The following OMA1 variants were observed in gnomAD, a reference collection of about 807,000 sequenced individuals.
The protein encoded by OMA1 is metalloendopeptidase OMA1, mitochondrial.
A neutral mutation model predicts 30.9 loss-of-function variants in OMA1; 38 were observed. That is an observed-to-expected ratio of 1.23 (90% CI 0.95 to 1.61). OMA1 has a LOEUF of 1.61. Ranked by LOEUF, OMA1 falls within the 40% of genes most tolerant of loss-of-function variation. The probability of loss-of-function intolerance (pLI) is 0.00; values close to 1 mark genes in which losing one functional copy is unlikely to be tolerated. For missense variants in OMA1, 461 were observed against 349.2 expected, an observed-to-expected ratio of 1.32 and a Z score of -2.55; for synonymous variants, 173 against 121.9, an observed-to-expected ratio of 1.42 and a Z score of -2.76.
Position 58,538,858 on chromosome 1 carries a change from G to T in OMA1, c.437C>A (p.Pro146Gln), listed in dbSNP as rs139772831. The part of the protein sequence containing the change: ...FHTSPRFQAA[P>Q]VPLLLMILKP... Reference sequence around the variant, plus strand: ...AAGAATCATCAACAAGAGAGGAACCGGAGCAGCTTGAAACCGTGGAGAAGT... The same window carrying T: ...AAGAATCATCAACAAGAGAGGAACCTGAGCAGCTTGAAACCGTGGAGAAGT... The change falls in exon 2 of 9, where the codon CCG (proline) becomes CAG (glutamine). Residue 146 changes from proline (P) to glutamine (Q), a missense_variant. Physicochemically the swap from Pro to Gln is moderately conservative, Grantham distance 76. Coordinates refer to ENST00000371226, the MANE Select transcript of OMA1 (RefSeq NM_145243.5). 1 of 871,416 alleles carries T rather than the reference G, an allele frequency of 1.1e-6. No individual in the cohort carries two copies. The highest frequency in any genetic ancestry group is 1.6e-5 in the African/African-American group (1 of 61,222). The allele number at this position is 871,416 out of a possible 1,614,324, so 54.0% of individuals were successfully genotyped here.
intron 7 of OMA1, among the ~76,000 whole-genome samples, chr1:58,525,854 C>T (rs1569951765): frequency 6.6e-6 from 1 of 151,974 alleles, no homozygotes; most frequent in South Asian, 2.1e-4. Context: ...CTGGCTGAAA[C>T]ATAAACAAGC....
intron 1 of OMA1, among the ~76,000 whole-genome samples, chr1:58,540,083 G>A (rs901544340): frequency 1.3e-5 from 2 of 152,122 alleles, no homozygotes; most frequent in African/African-American, 4.8e-5. Flanking sequence ...CTCACACAGG[G>A]CATGGTATAC....
In OMA1 at chr1:58,506,206, A is replaced by AATTTACTAATTT. The variant is rs1341587829; in HGVS notation, c.1218_1219insAAATTAGTAAAT (p.Ala406_Cys407insLysLeuValAsn). 1 of 866,750 alleles carries AATTTACTAATTT rather than the reference A, an allele frequency of 1.2e-6. No individual in the cohort carries two copies. The highest frequency in any genetic ancestry group is 1.7e-5 in the Admixed American group (1 of 59,086). The allele number at this position is 866,750 out of a possible 1,614,324, so 53.7% of individuals were successfully genotyped here. A position where few individuals can be genotyped will look rare whatever the true frequency, so the allele number is the denominator to read the frequency against. ...ACTGAACTGGCTCTTATGTCTGCAC[A>AATTTACTAATTT]AGCCTAAAACCAAAATTAGTAAAAC... On this transcript the variant is annotated inframe_insertion, in exon 8 of 9. Transcript: ENST00000371226.
At chr1:58,526,991 T>C (rs1238114059) in intron 7 of OMA1, among the ~76,000 whole-genome samples, 2 of 152,168 alleles carry the variant, frequency 1.3e-5, no homozygotes, top group African/African-American at 4.8e-5. Flanking sequence ...GAACTGACTT[T>C]CTTTTAATAG....
chr1:58,521,868 C>G (rs1264204315), intron 7 of OMA1, among the ~76,000 whole-genome samples: 1 of 152,134 alleles, frequency 6.6e-6, no homozygotes, highest in Non-Finnish European at 1.5e-5. Context: ...AAAAACTCTT[C>G]TGGAGAAGAG....
At chr1:58,510,082 T>A (rs1341621634) in intron 7 of OMA1, among the ~76,000 whole-genome samples, 1 of 152,060 alleles carries the variant, frequency 6.6e-6, no homozygotes, top group Non-Finnish European at 1.5e-5. Flanking sequence ...TGTCAATGAC[T>A]CTCAAAGTCT....
intron 8 of OMA1, among the ~76,000 whole-genome samples, chr1:58,490,801 T>A (rs1301446746): frequency 8.6e-6 from 1 of 115,794 alleles, no homozygotes; most frequent in African/African-American, 3.5e-5. Context: ...CATTCTTTTT[T>A]TTTTTTTTTT....
rs531576904 is a variant in OMA1, at chr1:58,483,652, A to G, written c.1366-2478T>C. Among the ~76,000 whole-genome samples the G allele has an allele frequency of 7.0e-4, 107 of 152,212 alleles. 1 individual carries two copies. The highest frequency in any genetic ancestry group is 1.1e-3 in the Non-Finnish European group (73 of 68,034). On this transcript the variant is annotated intron_variant, in intron 8 of 8. Coordinates refer to ENST00000371226, the MANE Select transcript of OMA1 (RefSeq NM_145243.5). The stretch of plus-strand genomic sequence containing the variant: ...CAACAAGAAAATGTTTCCCAACTAT[A>G]GCACTTACAGCACTTAAGTAAACAG...
rs1295431503 is a variant in OMA1 at position 58,522,779 on chromosome 1, A to C, written c.1215+4482T>G. Among the ~76,000 whole-genome samples, 3 of 152,214 alleles carry C rather than the reference A, an allele frequency of 2.0e-5. 1 individual carries two copies. The East Asian group carries it at 5.8e-4, about 29-fold the overall frequency. Reference sequence around the variant, plus strand: ...TTCTTACAATAAAATAAGCTAGAGAAAGGAAAATGTTATTAAGAAAACCAT... The same window carrying C: ...TTCTTACAATAAAATAAGCTAGAGACAGGAAAATGTTATTAAGAAAACCAT... On this transcript the variant is annotated intron_variant, in intron 7 of 8. Transcript: ENST00000371226.
chr1:58,503,480 A>G (rs1398316551), intron 8 of OMA1, among the ~76,000 whole-genome samples: 5 of 152,112 alleles, frequency 3.3e-5, no homozygotes, highest in African/African-American at 9.7e-5. Flanking sequence ...TCTAGTTAAG[A>G]TAGCTGCTGA....
intron 7 of OMA1, among the ~76,000 whole-genome samples, chr1:58,518,919 G>A (rs1177094253): frequency 6.6e-6 from 1 of 152,136 alleles, no homozygotes; most frequent in African/African-American, 2.4e-5. Flanking sequence ...GATGAGAAAA[G>A]TTGAGGCACA....
intron 7 of OMA1, among the ~76,000 whole-genome samples, chr1:58,511,615 C>A (rs1386022680): frequency 1.3e-5 from 2 of 151,958 alleles, no homozygotes; most frequent in Non-Finnish European, 2.9e-5. Flanking sequence ...GGTAACAGAG[C>A]AAGACCCTGT....
intron 7 of OMA1, among the ~76,000 whole-genome samples, chr1:58,514,679 G>A (rs1646132541): frequency 2.0e-5 from 3 of 152,132 alleles, no homozygotes; most frequent in African/African-American, 4.8e-5. Flanking sequence ...ATTGTGGCAG[G>A]GGGAGCTGGG....
At chr1:58,497,738 T>C (rs1261368901) in intron 8 of OMA1, among the ~76,000 whole-genome samples, 2 of 152,180 alleles carry the variant, frequency 1.3e-5, no homozygotes, top group African/African-American at 4.8e-5. Flanking sequence ...GAAACTCTTA[T>C]CAACAAAGAA....
At chr1:58,520,078 G>A (rs7355166) in intron 7 of OMA1, among the ~76,000 whole-genome samples, 40,651 of 151,926 alleles carry the variant, frequency 0.27, 5,715 homozygotes, top group Middle Eastern at 0.4. Flanking sequence ...GGGAACAACA[G>A]ACACTGGCAA....
chr1:58,526,725 C>G (rs1646355819), intron 7 of OMA1, among the ~76,000 whole-genome samples: 1 of 151,828 alleles, frequency 6.6e-6, no homozygotes, highest in South Asian at 2.1e-4. Context: ...ACAGGATCAA[C>G]CTATCTTCAA....
intron 2 of OMA1, among the ~76,000 whole-genome samples, chr1:58,538,522 G>A (rs1488427504): frequency 6.6e-6 from 1 of 151,980 alleles, no homozygotes; most frequent in Admixed American, 6.6e-5. Context: ...CAAAATGTAA[G>A]AATAACTTTT....
At chr1:58,507,787 A>G (rs1646011998) in intron 7 of OMA1, among the ~76,000 whole-genome samples, 1 of 152,142 alleles carries the variant, frequency 6.6e-6, no homozygotes, top group Admixed American at 6.5e-5. Context: ...ATGCCCCTCA[A>G]TAATAGGTAA....
In OMA1 at chr1:58,530,579, CA is replaced by C. The variant is rs201161390; in HGVS notation, c.1140+21del. The C allele has an allele frequency of 1.6e-4, 138 of 865,316 alleles. No individual in the cohort carries two copies. The East Asian group carries it at 3.1e-3, about 19-fold the overall frequency. 53.6% of individuals were successfully genotyped at this position (865,316 alleles called of 1,614,324 possible). On this transcript the variant is annotated intron_variant, in intron 6 of 8. Coordinates refer to ENST00000371226, the MANE Select transcript of OMA1 (RefSeq NM_145243.5). ...TCTTCACCAGAGGCTATGATCAATT[CA>C]AGTTATTGTCTCAGACTTACCTCCT...
Sources: allele counts gnomAD v4.1 joint callset (sites outside exome capture counted in the v4.1 genomes callset), GRCh38; gene constraint gnomAD v4.1.1; transcripts MANE v1.5; gene names NCBI Gene and HGNC (gene_info 2026-07-23, HGNC 2026-07-21).